Variants in KATNAL2 observed in about 807,000 individuals in gnomAD.
KATNAL2 encodes the protein katanin catalytic subunit A1 like 2.
In KATNAL2, 52 loss-of-function variants were observed where a neutral mutation model predicts 76.3. The observed-to-expected ratio is 0.68, with a 90% CI of 0.55 to 0.86. KATNAL2 has a LOEUF of 0.86. KATNAL2 is among the 40% of genes least tolerant of loss of function. The pLI, the probability that KATNAL2 is intolerant of heterozygous loss-of-function variation, is 0.00. For missense variants in KATNAL2, 660 were observed against 668.9 expected, an observed-to-expected ratio of 0.99 and a Z score of 0.15; for synonymous variants, 243 against 244.2, an observed-to-expected ratio of 1.00 and a Z score of 0.05.
chr18:47,032,227 C>T (rs145001538), intron 3 of KATNAL2, among the ~76,000 whole-genome samples: 4 of 152,146 alleles, frequency 2.6e-5, no homozygotes, highest in Non-Finnish European at 4.4e-5. Context: ...TTATGAAATC[C>T]GATAGTTCCT....
chr18:46,931,628 G>A (rs72917140), intron 1 of KATNAL2, among the ~76,000 whole-genome samples: 1,564 of 151,306 alleles, frequency 0.01, 13 homozygotes, highest in Non-Finnish European at 0.017. Flanking sequence ...ACTCCGGCCT[G>A]GACAACAGAG....
chr18:47,036,142 G>T (rs532338760), intron 3 of KATNAL2, among the ~76,000 whole-genome samples: 37 of 152,272 alleles, frequency 2.4e-4, no homozygotes, highest in Admixed American at 7.8e-4. Flanking sequence ...GCCGTTTGCA[G>T]AATTTTTAAT....
intron 7 of KATNAL2, among the ~76,000 whole-genome samples, chr18:47,058,952 C>A (rs2061549656): frequency 1.3e-5 from 2 of 152,134 alleles, no homozygotes; most frequent in South Asian, 4.1e-4. Context: ...GGCTCATGTC[C>A]AGAACCTTCT....
Position 47,066,847 on chromosome 18 carries a change from T to TTATATATATATA in KATNAL2, c.727-139_727-128dup, listed in dbSNP as rs56018747. Reference sequence around the variant, plus strand: ...CCAAAATTACAATGTATATATGTGTTTATATATATATATATATATATATAT... The same window carrying TTATATATATATA: ...CCAAAATTACAATGTATATATGTGTTTATATATATATATATATATATATATATATATATATAT... On this transcript the variant is annotated intron_variant, in intron 10 of 17. Transcript: ENST00000683218. 1.5e-3 allele frequency among the ~76,000 whole-genome samples: 45 copies of TTATATATATATA among 29,570 alleles called. 1 individual carries two copies. The highest frequency in any genetic ancestry group is 4.1e-3 in the East Asian group (3 of 724). The allele number at this position is 29,570 out of a possible 152,430, so 19.4% of individuals were successfully genotyped here. A position where few individuals can be genotyped will look rare whatever the true frequency, so the allele number is the denominator to read the frequency against.
intron 10 of KATNAL2, among the ~76,000 whole-genome samples, chr18:47,065,793 A>G (rs1326634086): frequency 6.6e-6 from 1 of 151,944 alleles, no homozygotes; most frequent in East Asian, 1.9e-4. Context: ...AGACTGGGCA[A>G]CATAGTGAGA....
chr18:46,934,000 G>A (rs1239581012), intron 1 of KATNAL2, among the ~76,000 whole-genome samples: 1 of 145,212 alleles, frequency 6.9e-6, no homozygotes, highest in Non-Finnish European at 1.5e-5. Context: ...TGGCTGCATA[G>A]TATTCCATGG....
At chr18:47,063,498 A>G (rs996318965) in intron 10 of KATNAL2, 137 bp downstream of exon 10, 7 of 621,630 alleles carry the variant, frequency 1.1e-5, no homozygotes, top group African/African-American at 5.5e-5. Context: ...AGGCACTCAT[A>G]TTGTTTAGAG....
At chr18:47,031,309 G>T (rs941852286) in intron 3 of KATNAL2, among the ~76,000 whole-genome samples, 11 of 152,044 alleles carry the variant, frequency 7.2e-5, no homozygotes, top group African/African-American at 2.7e-4. Context: ...GTCCGAATGA[G>T]GAAAACAGAT....
chr18:47,078,271 A>G (rs2062336021), intron 15 of KATNAL2, among the ~76,000 whole-genome samples: 1 of 152,166 alleles, frequency 6.6e-6, no homozygotes. Flanking sequence ...TCAAAGATGA[A>G]AAGAGAAACT....
At chr18:47,093,379 C>T (rs2063084572) in intron 15 of KATNAL2, among the ~76,000 whole-genome samples, 2 of 150,118 alleles carry the variant, frequency 1.3e-5, no homozygotes, top group South Asian at 4.2e-4. Flanking sequence ...TCTTTGATAT[C>T]CTCCCTTCTG....
At chr18:47,033,547 T>C (rs1293564294) in intron 3 of KATNAL2, 1 of 1,612,552 alleles carries the variant, frequency 6.2e-7, no homozygotes, top group Admixed American at 1.7e-5. Flanking sequence ...TGCGTGATTG[T>C]CTTTCTTTCT....
intron 3 of KATNAL2, among the ~76,000 whole-genome samples, chr18:47,038,658 T>A (rs564609268): frequency 6.6e-6 from 1 of 152,338 alleles, no homozygotes; most frequent in South Asian, 2.1e-4. Flanking sequence ...TACAATATTC[T>A]TTCAATACCT....
At chr18:47,042,376 A>G (rs1049246131) in intron 3 of KATNAL2, among the ~76,000 whole-genome samples, 1 of 152,176 alleles carries the variant, frequency 6.6e-6, no homozygotes, top group Non-Finnish European at 1.5e-5. Flanking sequence ...TGTGTTTTCT[A>G]GCACTCTGAA....
chr18:46,941,578 C>T (rs993684944), intron 1 of KATNAL2, among the ~76,000 whole-genome samples: 1 of 152,062 alleles, frequency 6.6e-6, no homozygotes, highest in Non-Finnish European at 1.5e-5. Context: ...GCTCTATTTT[C>T]GTATCCACCT....
intron 3 of KATNAL2, chr18:47,033,930 G>C: frequency 6.2e-7 from 1 of 1,612,820 alleles, no homozygotes; most frequent in Non-Finnish European, 8.5e-7. Flanking sequence ...CGGAATCAGC[G>C]CCGGCCGCCT....
Position 47,059,653 on chromosome 18 carries a change from G to C in KATNAL2, c.548G>C (p.Arg183Thr). The C allele has an allele frequency of 6.2e-7, 1 of 1,601,034 alleles. No individual in the cohort carries two copies. ...DSGEENAHPRRGQIIDFQGLL... is the reference protein window; with the variant it reads ...DSGEENAHPRTGQIIDFQGLL... ...GGAGAGGAAAATGCCCACCCACGAA[G>C]AGTAAGTGAAACTCATGAACCTAAC... Residue 183 changes from arginine (R) to threonine (T), a missense_variant and splice_region_variant, in exon 8 of 18, where the codon AGA (arginine) becomes ACA (threonine). By Grantham distance (71) the Arg-to-Thr change is moderately conservative. Transcript: ENST00000683218.
At chr18:46,947,839 C>G (rs1328799773) in intron 3 of KATNAL2, among the ~76,000 whole-genome samples, 1 of 152,140 alleles carries the variant, frequency 6.6e-6, no homozygotes, top group Non-Finnish European at 1.5e-5. Context: ...TTATTTCTCT[C>G]CATCTTCTAG....
At chr18:46,937,216 T>G (rs2059120061) in intron 1 of KATNAL2, among the ~76,000 whole-genome samples, 3 of 152,036 alleles carry the variant, frequency 2.0e-5, no homozygotes, top group Admixed American at 6.6e-5. Flanking sequence ...ATAACCCCAG[T>G]TTTTCATGAG....
intron 15 of KATNAL2, among the ~76,000 whole-genome samples, chr18:47,090,218 T>C (rs1185275428): frequency 6.6e-6 from 1 of 152,168 alleles, no homozygotes; most frequent in African/African-American, 2.4e-5. Context: ...GCAATTCTCC[T>C]GCCTCAGCCT....
Sources: gnomAD v4.1 joint callset for allele counts (sites outside exome capture counted in the v4.1 genomes callset) on GRCh38, gnomAD v4.1.1 for gene constraint, MANE v1.5 for transcripts, NCBI Gene and HGNC (gene_info 2026-07-23, HGNC 2026-07-21) for gene names.